Variants in DDAH1 observed in about 807,000 individuals in gnomAD.
DDAH1 encodes the protein N(G),N(G)-dimethylarginine dimethylaminohydrolase 1.
DDAH1 carries 19 observed loss-of-function variants against 28.8 expected under a neutral mutation model. The observed-to-expected ratio is 0.66, with a 90% CI of 0.46 to 0.97. DDAH1 has a LOEUF of 0.97. DDAH1 is among the 50% of genes least tolerant of loss of function. The pLI, the probability that DDAH1 is intolerant of heterozygous loss-of-function variation, is 0.00. For synonymous variants in DDAH1, 153 were observed against 154.4 expected (o/e 0.99, Z 0.07); for missense variants, 326 against 375.9 (o/e 0.87, Z 1.10).
At chr1:85,321,710 G>A (rs1661352773) in intron 5 of DDAH1, 142 bp from the exon 6 acceptor site, 4 of 676,976 alleles carry the variant, frequency 5.9e-6, no homozygotes, top group Non-Finnish European at 7.9e-6. Flanking sequence ...CCACACACAT[G>A]CCCACAGTCA....
chr1:85,569,679 G>T (rs1350919181), intron 1 of DDAH1, among the ~76,000 whole-genome samples: 1 of 152,202 alleles, frequency 6.6e-6, no homozygotes, highest in African/African-American at 2.4e-5. Context: ...GCCCAGCTAT[G>T]CACGCTGGCC....
At chr1:85,447,639 T>C (rs963234766) in intron 1 of DDAH1, among the ~76,000 whole-genome samples, 1 of 152,180 alleles carries the variant, frequency 6.6e-6, no homozygotes, top group South Asian at 2.1e-4. Context: ...AGTAATATGA[T>C]TGCTAGTCTG....
chr1:85,464,822 A>AT lies in DDAH1; in HGVS notation c.223_224insA (p.Val75AspfsTer29). 6.3e-7 allele frequency: 1 copy of AT among 1,588,964 alleles called. No homozygotes were observed. Among genetic ancestry groups the AT allele is most frequent in the East Asian group, 2.3e-5 (1 of 42,784 alleles). ...CACCACGGCCACGTCCTCCACGAAG[A>AT]CGCAGTCCGGAAGGCTCTCGTCGGC... On this transcript the variant is annotated frameshift_variant, in exon 1 of 6. Transcript: ENST00000284031. LOFTEE classifies it high-confidence loss of function. This position sits in a 1 kb window ranked among gnomAD's most constrained non-coding sequence, Gnocchi z 4.4.
intron 4 of DDAH1, among the ~76,000 whole-genome samples, chr1:85,330,712 A>G (rs1318461066): frequency 6.6e-6 from 1 of 152,246 alleles, no homozygotes; most frequent in African/African-American, 2.4e-5. Context: ...TGCCAAAGGA[A>G]TGATTCCACT....
At chr1:85,482,002 G>A (rs937084350) in intron 2 of DDAH1, among the ~76,000 whole-genome samples, 1 of 152,178 alleles carries the variant, frequency 6.6e-6, no homozygotes, top group Admixed American at 6.5e-5. Flanking sequence ...TACGTCAGTT[G>A]CTCCCATGTA....
At chr1:85,437,006 G>C (rs1470746366) in intron 1 of DDAH1, among the ~76,000 whole-genome samples, 1 of 152,118 alleles carries the variant, frequency 6.6e-6, no homozygotes, top group African/African-American at 2.4e-5. Flanking sequence ...ATATGGGCCA[G>C]TTTTAGTGGC....
chr1:85,403,968 A>G (rs373143819), intron 1 of DDAH1, among the ~76,000 whole-genome samples: 4 of 152,244 alleles, frequency 2.6e-5, no homozygotes, highest in African/African-American at 9.6e-5. Context: ...CATTTTAACA[A>G]TGTAATTGCT....
chr1:85,461,921 G>A (rs1191443141), intron 1 of DDAH1, among the ~76,000 whole-genome samples: 2 of 152,168 alleles, frequency 1.3e-5, no homozygotes, highest in African/African-American at 2.4e-5. Context: ...CTCTAAACCC[G>A]AGTTCAAATC....
intron 1 of DDAH1, among the ~76,000 whole-genome samples, chr1:85,572,822 A>T (rs543893754): frequency 6.6e-6 from 1 of 152,348 alleles, no homozygotes; most frequent in Admixed American, 6.5e-5. Flanking sequence ...CCTGTAGGCA[A>T]AGTCCCAGTG....
intron 1 of DDAH1, among the ~76,000 whole-genome samples, chr1:85,433,969 A>G (rs1394625047): frequency 6.6e-6 from 1 of 152,164 alleles, no homozygotes; most frequent in African/African-American, 2.4e-5. Context: ...AGGATTCAAA[A>G]AAATAATTTA....
chr1:85,566,478 C>T (rs766291702), intron 1 of DDAH1, among the ~76,000 whole-genome samples: 2 of 136,906 alleles, frequency 1.5e-5, no homozygotes, highest in South Asian at 2.3e-4. Flanking sequence ...GGTGACAGAG[C>T]GAGACCCCAT....
chr1:85,410,696 G>A (rs1002960781), intron 1 of DDAH1, among the ~76,000 whole-genome samples: 2 of 151,732 alleles, frequency 1.3e-5, no homozygotes, highest in Non-Finnish European at 2.9e-5. Context: ...TTCAGGTACT[G>A]AGTATAATTG....
chr1:85,344,324 TA>T (rs1223576974), intron 4 of DDAH1, among the ~76,000 whole-genome samples: 2 of 152,040 alleles, frequency 1.3e-5, no homozygotes, highest in African/African-American at 4.8e-5. Flanking sequence ...ACAAATGTAA[TA>T]TATGAAAAAA....
At chr1:85,380,565 G>A (rs1349586821) in intron 1 of DDAH1, 1 of 152,114 alleles carries the variant, frequency 6.6e-6, no homozygotes, top group Non-Finnish European at 1.5e-5. Flanking sequence ...TAACAAACAA[G>A]GTAAGGATTT....
At chr1:85,324,074 G>T (rs12140272) in intron 5 of DDAH1, among the ~76,000 whole-genome samples, 5 of 150,466 alleles carry the variant, frequency 3.3e-5, no homozygotes, top group African/African-American at 1.2e-4. Flanking sequence ...ATTTGATACC[G>T]GCCTGGGCAA....
At chr1:85,397,899 T>TAA (rs1327939860) in intron 1 of DDAH1, among the ~76,000 whole-genome samples, 3 of 152,098 alleles carry the variant, frequency 2.0e-5, no homozygotes, top group Admixed American at 2.0e-4. Flanking sequence ...CTACCATAAG[T>TAA]AAAAGCTTTC....
intron 1 of DDAH1, among the ~76,000 whole-genome samples, chr1:85,458,892 C>T (rs902258839): frequency 2.6e-5 from 4 of 152,102 alleles, no homozygotes; most frequent in African/African-American, 9.7e-5. Context: ...TTATGGTACT[C>T]CCTTGATAAG....
intron 1 of DDAH1, among the ~76,000 whole-genome samples, chr1:85,532,745 A>G (rs1281309723): frequency 2.0e-5 from 3 of 152,212 alleles, no homozygotes; most frequent in Non-Finnish European, 4.4e-5. Flanking sequence ...TGGGGTTCAC[A>G]GAGCAAAGCC....
intron 1 of DDAH1, among the ~76,000 whole-genome samples, chr1:85,368,327 G>T (rs1276787411): frequency 6.6e-6 from 1 of 152,138 alleles, no homozygotes; most frequent in Non-Finnish European, 1.5e-5. Flanking sequence ...CAAACCCACG[G>T]AGCCAGGAGA....
Sources: allele counts gnomAD v4.1 joint callset (sites outside exome capture counted in the v4.1 genomes callset), GRCh38; gene constraint gnomAD v4.1.1; non-coding constraint Gnocchi (gnomAD v3.1); transcripts MANE v1.5; gene names NCBI Gene and HGNC (gene_info 2026-07-23, HGNC 2026-07-21).